Variants in CTNNA3 observed in about 807,000 individuals in gnomAD.
CTNNA3 encodes the protein catenin alpha-3.
In CTNNA3, 76 loss-of-function variants were observed where a neutral mutation model predicts 95.7. That is an observed-to-expected ratio of 0.79 (90% CI 0.66 to 0.96). The LOEUF (loss-of-function observed/expected upper bound fraction) is 0.96. CTNNA3 is among the 40% of genes least tolerant of loss of function. The pLI, the probability that CTNNA3 is intolerant of heterozygous loss-of-function variation, is 0.00. For missense variants in CTNNA3, 1,191 were observed against 1,089.8 expected (o/e 1.09, Z -1.31); for synonymous variants, 431 against 374.4 (o/e 1.15, Z -1.74).
At chr10:67,726,426 T>TTACATCATATATAATATTA (rs1841220263) in intron 1 of CTNNA3, among the ~76,000 whole-genome samples, 1 of 29,518 alleles carries the variant, frequency 3.4e-5, no homozygotes, top group Non-Finnish European at 4.5e-5. Flanking sequence ...ATATTATATA[T>TTACATCATATATAATATTA]TATATCATAT....
chr10:67,598,403 T>C (rs893725851), intron 3 of CTNNA3, among the ~76,000 whole-genome samples: 1 of 152,112 alleles, frequency 6.6e-6, no homozygotes, highest in Non-Finnish European at 1.5e-5. Context: ...TGAGTCCTGG[T>C]GCTTGGCAAC....
chr10:67,606,765 G>T, intron 3 of CTNNA3, 92 bp downstream of exon 3: 2 of 1,040,586 alleles, frequency 1.9e-6, no homozygotes, highest in Non-Finnish European at 2.8e-6. Flanking sequence ...AAAAACTGGA[G>T]CCAACAAAAA....
intron 15 of CTNNA3, among the ~76,000 whole-genome samples, chr10:66,033,518 A>G (rs1409442004): frequency 6.6e-6 from 1 of 151,718 alleles, no homozygotes; most frequent in Non-Finnish European, 1.5e-5. Context: ...GTATGCATAC[A>G]TGTATGCACA....
chr10:66,694,352 G>T lies in CTNNA3; in HGVS notation c.1281+71912C>A, dbSNP rs186711720. Among the ~76,000 whole-genome samples, 1,508 of 152,154 alleles carry T rather than the reference G, an allele frequency of 9.9e-3. 29 individuals carry two copies. Among genetic ancestry groups the T allele is most frequent in the African/African-American group, 0.035 (1,434 of 41,486 alleles). On this transcript the variant is annotated intron_variant, in intron 9 of 17. Transcript: ENST00000433211. ...CAAACACCTCTATGCAAATAAACTA[G>T]AAAATCTAGAAGAAATGGATAAATT...
At chr10:67,157,200 A>G (rs75774931) in intron 7 of CTNNA3, among the ~76,000 whole-genome samples, 10,112 of 152,086 alleles carry the variant, frequency 0.066, 405 homozygotes, top group South Asian at 0.2. Context: ...GGAAATTATA[A>G]AGACTACACA....
At chr10:66,863,613 T>G (rs1292979373) in intron 7 of CTNNA3, among the ~76,000 whole-genome samples, 1 of 152,142 alleles carries the variant, frequency 6.6e-6, no homozygotes. Context: ...GGAATAGAGT[T>G]TTCAGTTTCT....
intron 5 of CTNNA3, among the ~76,000 whole-genome samples, chr10:67,508,090 TAC>T (rs1839485947): frequency 6.6e-6 from 1 of 152,158 alleles, no homozygotes; most frequent in South Asian, 2.1e-4. Context: ...TGTAGCTCAT[TAC>T]AACCTCCACC....
At chr10:66,754,558 C>T (rs981784745) in intron 9 of CTNNA3, among the ~76,000 whole-genome samples, 1 of 151,736 alleles carries the variant, frequency 6.6e-6, no homozygotes, top group Non-Finnish European at 1.5e-5. Flanking sequence ...CAGAGAATAC[C>T]ATCAAAAAAG....
At chr10:66,633,638 C>T (rs922077727) in intron 9 of CTNNA3, among the ~76,000 whole-genome samples, 1 of 151,930 alleles carries the variant, frequency 6.6e-6, no homozygotes, top group African/African-American at 2.4e-5. Flanking sequence ...CGAGATCCTG[C>T]CACTGCACTC....
chr10:67,036,683 C>A (rs979621486), intron 7 of CTNNA3, among the ~76,000 whole-genome samples: 3 of 151,988 alleles, frequency 2.0e-5, no homozygotes, highest in Non-Finnish European at 4.4e-5. Flanking sequence ...TAAGAGTATA[C>A]TTTTTAAAGG....
intron 15 of CTNNA3, among the ~76,000 whole-genome samples, chr10:66,016,848 A>G (rs2079105367): frequency 6.6e-6 from 1 of 152,184 alleles, no homozygotes; most frequent in Non-Finnish European, 1.5e-5. Context: ...CTGGGTGTCA[A>G]AAATAGAAAT....
chr10:67,152,743 T>TAACA (rs1861139028), intron 7 of CTNNA3, among the ~76,000 whole-genome samples: 1 of 152,022 alleles, frequency 6.6e-6, no homozygotes, highest in Non-Finnish European at 1.5e-5. Flanking sequence ...CTACTTGTTA[T>TAACA]ACTTTGCCAA....
rs181994549 is a variant in CTNNA3, at chr10:66,182,022, A to C, written c.1885-78773T>G. Among the ~76,000 whole-genome samples, 31 of 152,336 alleles carry C rather than the reference A, an allele frequency of 2.0e-4. No homozygotes were observed. In the East Asian group the frequency reaches 6.0e-3, roughly 29 times the overall value. On this transcript the variant is annotated intron_variant, in intron 13 of 17. Transcript: ENST00000433211. ...TGCTAATGTTGTGTAAAAATGTCCT[A>C]TGATAATCCACAAACCAATAATCTG... is the stretch of plus-strand genomic sequence containing the variant.
intron 12 of CTNNA3, among the ~76,000 whole-genome samples, chr10:66,288,576 A>G (rs2091628905): frequency 6.6e-6 from 1 of 152,100 alleles, no homozygotes; most frequent in Non-Finnish European, 1.5e-5. Flanking sequence ...AAATACTATA[A>G]ATGAATACAA....
chr10:66,144,480 T>C (rs926799818), intron 13 of CTNNA3, among the ~76,000 whole-genome samples: 28 of 151,884 alleles, frequency 1.8e-4, no homozygotes, highest in South Asian at 4.1e-4. Context: ...GGTTAATTTA[T>C]ATTTATTTAT....
At chr10:67,593,281 T>C (rs1446340028) in intron 3 of CTNNA3, among the ~76,000 whole-genome samples, 2 of 152,168 alleles carry the variant, frequency 1.3e-5, no homozygotes, top group African/African-American at 4.8e-5. Context: ...AGTGAACACA[T>C]GAGTGTATGT....
Position 66,760,942 on chromosome 10 carries a change from G to A in CTNNA3, c.1281+5322C>T, listed in dbSNP as rs80211179. On this transcript the variant is annotated intron_variant, in intron 9 of 17. Coordinates refer to ENST00000433211, the MANE Select transcript of CTNNA3 (RefSeq NM_013266.4). ...GCTCACTTAGAACAGTTGTTGGTTT[G>A]TGTACAAGTGTTAAGTATGGGTTTG... Among the ~76,000 whole-genome samples, 387 of 152,208 alleles carry A rather than the reference G, an allele frequency of 2.5e-3. 12 individuals carry two copies. In the East Asian group the frequency reaches 0.055, roughly 22 times the overall value.
chr10:67,164,195 C>G (rs574842527), intron 7 of CTNNA3, among the ~76,000 whole-genome samples: 8 of 151,950 alleles, frequency 5.3e-5, no homozygotes, highest in Non-Finnish European at 1.2e-4. Context: ...AGGAATAACT[C>G]TAAGTGATTT....
At chr10:66,320,467 G>A (rs1047939224) in intron 12 of CTNNA3, among the ~76,000 whole-genome samples, 1 of 152,036 alleles carries the variant, frequency 6.6e-6, no homozygotes, top group African/African-American at 2.4e-5. Context: ...AATGTAAACT[G>A]AATGTGAATC....
Sources: allele counts gnomAD v4.1 joint callset (sites outside exome capture counted in the v4.1 genomes callset), GRCh38; gene constraint gnomAD v4.1.1; transcripts MANE v1.5; gene names NCBI Gene and HGNC (gene_info 2026-07-23, HGNC 2026-07-21).